The following SPATA13 variants were observed in gnomAD, a reference collection of about 807,000 sequenced individuals.
SPATA13 encodes the protein spermatogenesis-associated protein 13.
In SPATA13, 50 loss-of-function variants were observed where a neutral mutation model predicts 104.0. The ratio of observed to expected loss-of-function variants is 0.48; its 90% CI spans 0.38 to 0.61. The LOEUF is 0.61. Among genes scored for constraint, SPATA13 ranks in the 20% least tolerant of loss-of-function variants. The pLI, the probability that SPATA13 is intolerant of heterozygous loss-of-function variation, is 0.00. For synonymous variants in SPATA13, 606 were observed against 667.5 expected, an observed-to-expected ratio of 0.91 and a Z score of 1.42; for missense variants, 1,524 against 1,690.6, an observed-to-expected ratio of 0.90 and a Z score of 1.73.
In SPATA13 at chr13:24,205,461, C is replaced by T. The variant is rs1397805904; in HGVS notation, c.-111-17358C>T. Among the ~76,000 whole-genome samples, 1 of 152,144 alleles carries T rather than the reference C, an allele frequency of 6.6e-6. No individual in the cohort carries two copies. Among genetic ancestry groups the T allele is most frequent in the Non-Finnish European group, 1.5e-5 (1 of 68,030 alleles). ...CAGAGATGCAAATGGAAAAACACTCCATGCTATGGATAGGAGGAATCAATA... is the reference window on the plus strand; with the variant it reads ...CAGAGATGCAAATGGAAAAACACTCTATGCTATGGATAGGAGGAATCAATA... On this transcript the variant is annotated intron_variant, in intron 1 of 12. Transcript: ENST00000382108. The surrounding 1 kb of genome is among the most constrained non-coding windows in gnomAD (Gnocchi z 4.1).
At chr13:24,154,414 C>G (rs535865390) in intron 3 of SPATA13, among the ~76,000 whole-genome samples, 1 of 152,152 alleles carries the variant, frequency 6.6e-6, no homozygotes, top group Non-Finnish European at 1.5e-5. Flanking sequence ...TTAAGGAAGT[C>G]AGACACAAAA....
chr13:24,116,201 G>A (rs1488056719), intron 3 of SPATA13, among the ~76,000 whole-genome samples: 1 of 152,230 alleles, frequency 6.6e-6, no homozygotes, highest in Non-Finnish European at 1.5e-5. Flanking sequence ...AGCAGGTTCA[G>A]CGTCTGCTAA....
chr13:24,010,548 G>A (rs895690009), intron 2 of SPATA13, among the ~76,000 whole-genome samples: 3 of 150,302 alleles, frequency 2.0e-5, no homozygotes, highest in Admixed American at 1.3e-4. Context: ...CTTTTCCCTT[G>A]GGCTTAGTGA....
intron 2 of SPATA13, among the ~76,000 whole-genome samples, chr13:23,989,981 T>TG (rs1453939429): frequency 1.3e-5 from 2 of 152,202 alleles, no homozygotes; most frequent in African/African-American, 4.8e-5. Flanking sequence ...CCTCCAGAAC[T>TG]GTCAGAGATA....
At chr13:24,173,398 GTGT>G (rs1883075073) in intron 1 of SPATA13, among the ~76,000 whole-genome samples, 1 of 140,414 alleles carries the variant, frequency 7.1e-6, no homozygotes, top group African/African-American at 2.6e-5. Flanking sequence ...GTGTGTGTGT[GTGT>G]GGTAGATTTC....
At chr13:24,087,625 C>A (rs892431877) in intron 3 of SPATA13, among the ~76,000 whole-genome samples, 7 of 152,200 alleles carry the variant, frequency 4.6e-5, no homozygotes, top group Non-Finnish European at 1.0e-4. Context: ...TCAGGCATTA[C>A]AGGAATGAAG....
At chr13:24,077,147 G>A (rs544170046) in intron 3 of SPATA13, among the ~76,000 whole-genome samples, 15 of 150,524 alleles carry the variant, frequency 1.0e-4, no homozygotes, top group African/African-American at 3.4e-4. Context: ...GCAAATAGCT[G>A]TTTCTACCAT....
intron 3 of SPATA13, among the ~76,000 whole-genome samples, chr13:24,087,164 T>C (rs1268074888): frequency 1.3e-5 from 2 of 152,042 alleles, no homozygotes; most frequent in Non-Finnish European, 2.9e-5. Context: ...CAGGGAAACC[T>C]GGCAATGTCA....
At chr13:24,038,890 G>C (rs1269028147) in intron 3 of SPATA13, among the ~76,000 whole-genome samples, 1 of 152,198 alleles carries the variant, frequency 6.6e-6, no homozygotes, top group South Asian at 2.1e-4. Context: ...GGTAATTCTA[G>C]TCTTGGCTAA....
Position 24,249,612 on chromosome 13 carries a change from G to A in SPATA13, c.1789G>A (p.Ala597Thr). The stretch of plus-strand genomic sequence containing the variant: ...GCCATTCTCTGACTACGGCCAGCTG[G>A]CCAGCCGCAGTTTGTCTATTCCTGA... ...PRPFSDYGQL[A>T]SRSLSIPEDS... Residue 597 changes from alanine to threonine, a missense_variant, in exon 3 of 13, where the codon GCC becomes ACC. Physicochemically the swap from Ala to Thr is moderately conservative, Grantham distance 58 (BLOSUM62 0). Around this residue, in one of 2 missense-constraint regions of SPATA13, gnomAD observed 1,089 missense variants for 1,135.9 expected, o/e 0.96. Transcript: ENST00000382108. 3 of 1,613,924 alleles carry A rather than the reference G, an allele frequency of 1.9e-6. No individual in the cohort carries two copies. The highest frequency in any genetic ancestry group is 2.5e-6 in the Non-Finnish European group (3 of 1,179,874).
chr13:24,123,365 C>A (rs2137826836), intron 3 of SPATA13: 1 of 1,295,486 alleles, frequency 7.7e-7, no homozygotes, highest in Non-Finnish European at 1.1e-6. Context: ...AGTGAATTAC[C>A]CAGCAAGCCC....
rs17079760 is a variant in SPATA13 at position 24,018,791 on chromosome 13, A to T, written c.-112+1090A>T. Among the ~76,000 whole-genome samples the T allele has an allele frequency of 8.9e-3, 1,359 of 152,372 alleles. 23 individuals carry two copies. The highest frequency in any genetic ancestry group is 0.076 in the East Asian group (394 of 5,188). On this transcript the variant is annotated intron_variant, in intron 3 of 14. Transcript: ENST00000424834. ...TTCACATTTGTTTGTGAGAAGAATT[A>T]CATTACAGCATTTAGGTTCCAACGT...
chr13:24,135,697 CA>C (rs34145507), intron 3 of SPATA13, among the ~76,000 whole-genome samples: 35,946 of 81,934 alleles, frequency 0.44, 4,797 homozygotes, highest in Middle Eastern at 0.55. Context: ...GAATCCGTCT[CA>C]AAAAAAAAAA....
chr13:24,115,566 C>T (rs1880806858), intron 3 of SPATA13, among the ~76,000 whole-genome samples: 1 of 152,256 alleles, frequency 6.6e-6, no homozygotes, highest in Non-Finnish European at 1.5e-5. Context: ...ATCCCCAAAC[C>T]ATCTCTCTCC....
chr13:24,262,981 G>T (rs1874131368), intron 4 of SPATA13, among the ~76,000 whole-genome samples: 1 of 151,988 alleles, frequency 6.6e-6, no homozygotes, highest in Admixed American at 6.6e-5. Flanking sequence ...ACTTGACTGG[G>T]TCTTTTTTAT....
chr13:24,149,672 G>A (rs1444985420), intron 3 of SPATA13, among the ~76,000 whole-genome samples: 1 of 152,362 alleles, frequency 6.6e-6, no homozygotes, highest in South Asian at 2.1e-4. Flanking sequence ...TGAATCACTG[G>A]AAATGGCTGA....
At chr13:24,250,852 A>T (rs1225041175) in intron 3 of SPATA13, among the ~76,000 whole-genome samples, 1 of 152,226 alleles carries the variant, frequency 6.6e-6, no homozygotes, top group South Asian at 2.1e-4. Flanking sequence ...TTAACTCAGA[A>T]CAATAGTCCA....
intron 1 of SPATA13, among the ~76,000 whole-genome samples, chr13:24,196,776 C>A (rs530653123): frequency 6.6e-6 from 1 of 152,002 alleles, no homozygotes; most frequent in African/African-American, 2.4e-5. Context: ...TAGTACATGT[C>A]GGGCACTTAG....
chr13:24,281,064 G>A (rs951751959), intron 4 of SPATA13, among the ~76,000 whole-genome samples: 10 of 146,494 alleles, frequency 6.8e-5, no homozygotes, highest in African/African-American at 1.7e-4. Flanking sequence ...CCACCCACCC[G>A]TGCTCCCAGG....
Sources: allele counts gnomAD v4.1 joint callset (sites outside exome capture counted in the v4.1 genomes callset), GRCh38; gene constraint gnomAD v4.1.1; regional missense constraint gnomAD v4.1.1; non-coding constraint Gnocchi (gnomAD v3.1); transcripts MANE v1.5; gene names NCBI Gene and HGNC (gene_info 2026-07-23, HGNC 2026-07-21).